The following DAB1 variants were observed in gnomAD, a reference collection of about 807,000 sequenced individuals.
DAB1 encodes the protein disabled homolog 1.
A neutral mutation model predicts 64.6 loss-of-function variants in DAB1; 15 were observed. The ratio of observed to expected loss-of-function variants is 0.23; its 90% CI spans 0.16 to 0.36. DAB1 has a LOEUF of 0.36. DAB1 is among the 10% of genes least tolerant of loss of function. The pLI is 1.00. For missense variants in DAB1, 596 were observed against 706.7 expected (o/e 0.84, Z 1.78); for synonymous variants, 235 against 251.9 (o/e 0.93, Z 0.64).
chr1:58,074,549 CATATAT>C (rs1257532700), intron 5 of DAB1: 1 of 66,416 alleles, frequency 1.5e-5, no homozygotes, highest in Non-Finnish European at 2.6e-5. Context: ...TATATACACA[CATATAT>C]ATATGTGTGT....
intron 14 of DAB1, among the ~76,000 whole-genome samples, chr1:57,000,165 TCC>T (rs1381287132): frequency 6.7e-6 from 1 of 148,472 alleles, no homozygotes; most frequent in African/African-American, 2.5e-5. Flanking sequence ...TGCCTCAGCC[TCC>T]CGTGTAGCTG....
intron 3 of DAB1, among the ~76,000 whole-genome samples, chr1:58,364,351 A>C (rs1644195941): frequency 6.6e-6 from 1 of 152,228 alleles, no homozygotes; most frequent in Admixed American, 6.5e-5. Flanking sequence ...CTAGAATAGC[A>C]AACAAATGGG....
intron 4 of DAB1, among the ~76,000 whole-genome samples, chr1:58,280,803 A>G (rs1325432298): frequency 1.3e-5 from 2 of 152,326 alleles, no homozygotes; most frequent in Non-Finnish European, 2.9e-5. Flanking sequence ...CCATGGGGGC[A>G]GGGAGTGGGG....
chr1:57,605,953 T>G, intron 7 of DAB1: 1 of 688,626 alleles, frequency 1.5e-6, no homozygotes, highest in Non-Finnish European at 2.7e-6. Flanking sequence ...GAGTCACTTG[T>G]GGATTCTCAT....
At chr1:57,404,073 T>C (rs917430337) in intron 1 of DAB1, among the ~76,000 whole-genome samples, 20 of 152,076 alleles carry the variant, frequency 1.3e-4, no homozygotes, top group African/African-American at 4.1e-4. Context: ...TTCATCCAAG[T>C]GTTAAGATAC....
chr1:57,470,872 A>C (rs1687111614), intron 7 of DAB1, among the ~76,000 whole-genome samples: 1 of 152,204 alleles, frequency 6.6e-6, no homozygotes, highest in Admixed American at 6.5e-5. Context: ...CCAACAAGGC[A>C]AATTGTAGCT....
chr1:58,466,232 C>G (rs1290949350), intron 3 of DAB1, among the ~76,000 whole-genome samples: 2 of 152,148 alleles, frequency 1.3e-5, no homozygotes, highest in Non-Finnish European at 2.9e-5. Context: ...TCCCAGACAG[C>G]CTTGCCAAAG....
intron 7 of DAB1, among the ~76,000 whole-genome samples, chr1:57,606,512 A>AAT (rs1296055136): frequency 1.2e-5 from 1 of 84,768 alleles, no homozygotes; most frequent in African/African-American, 5.8e-5. Context: ...TATATAATAT[A>AAT]ATATATATAA....
intron 5 of DAB1, among the ~76,000 whole-genome samples, chr1:57,898,834 T>A (rs1644429617): frequency 6.6e-6 from 1 of 152,172 alleles, no homozygotes; most frequent in Non-Finnish European, 1.5e-5. Flanking sequence ...CTGGCATGTA[T>A]CTACATTGTG....
intron 2 of DAB1, among the ~76,000 whole-genome samples, chr1:57,170,657 C>A (rs910583506): frequency 5.6e-4 from 85 of 152,158 alleles, no homozygotes; most frequent in Non-Finnish European, 2.9e-5. Context: ...CTGAGTCCAA[C>A]GTCCGTGCTC....
In DAB1 at chr1:57,483,061, A is replaced by G. The variant is rs138900750; in HGVS notation, n.625+166531T>C. Among the ~76,000 whole-genome samples the G allele has an allele frequency of 1.2e-3, 184 of 152,360 alleles. 2 individuals carry two copies. Among genetic ancestry groups the G allele is most frequent in the African/African-American group, 4.3e-3 (178 of 41,578 alleles). On this transcript the variant is annotated intron_variant and non_coding_transcript_variant, in intron 7 of 20. Transcript: ENST00000485760. ...GATATCTTAAATAGAAAAGTAGAATATAAATTGAATGTACACAATAATCTC... is the reference window on the plus strand; with the variant it reads ...GATATCTTAAATAGAAAAGTAGAATGTAAATTGAATGTACACAATAATCTC...
At chr1:57,406,381 A>T (rs1683642223) in intron 1 of DAB1, among the ~76,000 whole-genome samples, 2 of 152,152 alleles carry the variant, frequency 1.3e-5, no homozygotes, top group Non-Finnish European at 2.9e-5. Flanking sequence ...TAGCCACCAC[A>T]TTATTATTTG....
chr1:58,424,722 T>C (rs1644804829), intron 3 of DAB1, among the ~76,000 whole-genome samples: 1 of 152,058 alleles, frequency 6.6e-6, no homozygotes, highest in Admixed American at 6.6e-5. Context: ...GGCTCAAAAC[T>C]AAAATAATAG....
intron 6 of DAB1, among the ~76,000 whole-genome samples, chr1:57,657,058 T>C (rs1646327185): frequency 6.6e-6 from 1 of 152,244 alleles, no homozygotes; most frequent in East Asian, 1.9e-4. Context: ...CTCCATGCTC[T>C]GGCACCTGCC....
intron 2 of DAB1, among the ~76,000 whole-genome samples, chr1:58,513,117 A>T (rs902498625): frequency 6.6e-6 from 1 of 152,010 alleles, no homozygotes; most frequent in African/African-American, 2.4e-5. Flanking sequence ...CGAGGGAGGG[A>T]CTTGGTAGGA....
At position 57,984,185 on chromosome 1, in the gene DAB1, AAAGAAAGAAAGAAAG is replaced by A. The variant is rs1348895508; in HGVS notation, n.388-100038_388-100024del. On this transcript the variant is annotated intron_variant and non_coding_transcript_variant, in intron 5 of 20. Transcript: ENST00000485760. ...TCAGGGCCCAGGACTAGCTTAAAAA[AAAGAAAGAAAGAAAG>A]AAAGAAAGAAAGAAAGAAAGAAAGA... Among the ~76,000 whole-genome samples the A allele has an allele frequency of 2.7e-4, 6 of 22,084 alleles. No individual in the cohort carries two copies. The South Asian group carries it at 6.0e-3, about 22-fold the overall frequency. The allele number at this position is 22,084 out of a possible 152,430, so 14.5% of individuals were successfully genotyped here.
chr1:58,078,823 A>G (rs1649808332), intron 5 of DAB1, among the ~76,000 whole-genome samples: 1 of 152,216 alleles, frequency 6.6e-6, no homozygotes, highest in African/African-American at 2.4e-5. Context: ...CAATAATATG[A>G]AAAAACAGGT....
Position 58,281,328 on chromosome 1 carries a change from C to G in DAB1, n.309+62024G>C, listed in dbSNP as rs539880503. 2.0e-5 allele frequency among the ~76,000 whole-genome samples: 3 copies of G among 151,524 alleles called. No homozygotes were observed. In the East Asian group the frequency reaches 5.9e-4, roughly 30 times the overall value. ...GAGGGCTGACAATTCACACAAGTGA[C>G]GAAGCCTGAAACCTGGGATTCTTCC... On this transcript the variant is annotated intron_variant and non_coding_transcript_variant, in intron 4 of 20. Coordinates refer to the DAB1 transcript ENST00000485760.
chr1:57,365,126 A>G (rs1434567698), intron 1 of DAB1, among the ~76,000 whole-genome samples: 1 of 144,340 alleles, frequency 6.9e-6, no homozygotes, highest in African/African-American at 2.5e-5. Context: ...TATATAGAAT[A>G]TATATAAGAA....
Sources: gnomAD v4.1 joint callset for allele counts (sites outside exome capture counted in the v4.1 genomes callset) on GRCh38, gnomAD v4.1.1 for gene constraint, MANE v1.5 for transcripts, NCBI Gene and HGNC (gene_info 2026-07-23, HGNC 2026-07-21) for gene names.